Variants in FAM118B observed in about 807,000 individuals in gnomAD.
FAM118B encodes the protein SIR2 antiphage like 1.
A neutral mutation model predicts 38.5 loss-of-function variants in FAM118B; 24 were observed. The ratio of observed to expected loss-of-function variants is 0.62; its 90% confidence interval spans 0.45 to 0.88. The LOEUF (loss-of-function observed/expected upper bound fraction) is 0.88. FAM118B is among the 40% of genes least tolerant of loss of function. The probability of loss-of-function intolerance (pLI) is 0.00; values close to 1 mark genes in which losing one functional copy is unlikely to be tolerated. For synonymous variants in FAM118B, 138 were observed against 156.3 expected (o/e 0.88, Z 0.87); for missense variants, 334 against 420.0 (o/e 0.80, Z 1.79).
chr11:126,242,006 C>T, intron 4 of FAM118B, among the ~76,000 whole-genome samples: 1 of 111,220 alleles, frequency 9.0e-6, no homozygotes, highest in Non-Finnish European at 1.7e-5. Flanking sequence ...GCCTGGGCGA[C>T]AGAGGAAGAC....
chr11:126,218,302 CAG>C (rs1950008513), intron 1 of FAM118B, among the ~76,000 whole-genome samples: 1 of 152,204 alleles, frequency 6.6e-6, no homozygotes, highest in African/African-American at 2.4e-5. Flanking sequence ...TGTCTTCCCT[CAG>C]ATATCCAGCG....
At chr11:126,234,053 G>A (rs892670576) in intron 2 of FAM118B, among the ~76,000 whole-genome samples, 5 of 152,176 alleles carry the variant, frequency 3.3e-5, no homozygotes, top group Non-Finnish European at 7.3e-5. Flanking sequence ...CTGTACTCTA[G>A]CCTGGACAAC....
intron 4 of FAM118B, among the ~76,000 whole-genome samples, chr11:126,246,793 T>G (rs1175349360): frequency 6.6e-6 from 1 of 152,120 alleles, no homozygotes; most frequent in African/African-American, 2.4e-5. Flanking sequence ...AAGGTCACTG[T>G]TTTAGATGAA....
At chr11:126,212,749 G>A (rs539857890) in intron 1 of FAM118B, among the ~76,000 whole-genome samples, 1 of 152,330 alleles carries the variant, frequency 6.6e-6, no homozygotes, top group African/African-American at 2.4e-5. Flanking sequence ...AAAGGGTTTG[G>A]CAGAAGGGAG....
At chr11:126,211,755 T>A, upstream of FAM118B, 1 of 1,197,688 alleles carries the variant, frequency 8.3e-7, no homozygotes, top group Non-Finnish European at 1.2e-6. Flanking sequence ...GCGAGTCACG[T>A]GGGGACGGTG....
chr11:126,219,774 A>T (rs1039028863), intron 1 of FAM118B, among the ~76,000 whole-genome samples: 1 of 148,654 alleles, frequency 6.7e-6, no homozygotes, highest in African/African-American at 2.5e-5. Context: ...GCACCTCCCT[A>T]CCCCCAGCCA....
intron 4 of FAM118B, among the ~76,000 whole-genome samples, chr11:126,241,442 T>C (rs1950356137): frequency 6.6e-6 from 1 of 152,248 alleles, no homozygotes; most frequent in Non-Finnish European, 1.5e-5. Context: ...TTTTTAGTGT[T>C]CTTTTTAGAG....
In FAM118B at chr11:126,262,344, A is replaced by G; in HGVS notation, c.*211A>G. On this transcript the variant is annotated 3_prime_UTR_variant, in exon 9 of 9. Coordinates refer to ENST00000533050, the MANE Select transcript of FAM118B (RefSeq NM_024556.4). ...ATTCTGCCGCCTGTTCAAGTTCAAG[A>G]ATAAAAGCGACAGCAGGACCCAAAT... The G allele has an allele frequency of 1.7e-6, 1 of 572,136 alleles. No individual in the cohort carries two copies. The highest frequency in any genetic ancestry group is 3.1e-6 in the Non-Finnish European group (1 of 323,956). 35.4% of individuals were successfully genotyped at this position (572,136 alleles called of 1,614,324 possible).
chr11:126,247,655 C>T (rs1183995386), intron 4 of FAM118B, among the ~76,000 whole-genome samples: 1 of 151,906 alleles, frequency 6.6e-6, no homozygotes, highest in Non-Finnish European at 1.5e-5. Flanking sequence ...GTCAGAAGTT[C>T]AAGACCAGCC....
chr11:126,217,149 A>T (rs1949990074), intron 1 of FAM118B, among the ~76,000 whole-genome samples: 1 of 152,378 alleles, frequency 6.6e-6, no homozygotes, highest in South Asian at 2.1e-4. Flanking sequence ...GGGTAGCCTC[A>T]GCCAGGAATC....
chr11:126,246,298 A>G (rs939060076), intron 4 of FAM118B, among the ~76,000 whole-genome samples: 3 of 152,330 alleles, frequency 2.0e-5, no homozygotes, highest in East Asian at 3.9e-4. Flanking sequence ...ACTCAGCAGT[A>G]CTATGGCAGG....
At chr11:126,239,143 C>A (rs1950321167) in intron 3 of FAM118B, among the ~76,000 whole-genome samples, 1 of 151,742 alleles carries the variant, frequency 6.6e-6, no homozygotes, top group South Asian at 2.1e-4. Context: ...CTTTTTCGTT[C>A]TTTCTTTGTT....
At chr11:126,257,415 T>A (rs1950594318) in intron 7 of FAM118B, among the ~76,000 whole-genome samples, 1 of 152,092 alleles carries the variant, frequency 6.6e-6, no homozygotes, top group Non-Finnish European at 1.5e-5. Context: ...TGGCAAAAAA[T>A]TGGAAGGATC....
In FAM118B at chr11:126,252,577, T is replaced by A. The variant is rs995485634; in HGVS notation, c.568-1728T>A. Among the ~76,000 whole-genome samples, 2 of 152,062 alleles carry A rather than the reference T, an allele frequency of 1.3e-5. No homozygotes were observed. Among genetic ancestry groups the A allele is most frequent in the African/African-American group, 4.8e-5 (2 of 41,400 alleles). ...GGGCATCATAGCAAGACCCCATCTC[T>A]ACAAAAAGTTTAAAAATTAGCCGGG... On this transcript the variant is annotated intron_variant, in intron 5 of 8. Coordinates refer to ENST00000533050, the MANE Select transcript of FAM118B (RefSeq NM_024556.4). The surrounding 1 kb of genome is among the most constrained non-coding windows in gnomAD (Gnocchi z 4.7).
Position 126,254,231 on chromosome 11 carries a change from C to T in FAM118B, c.568-74C>T, listed in dbSNP as rs1950543640. On this transcript the variant is annotated intron_variant, in intron 5 of 8. Transcript: ENST00000533050. ...GTCAGAAGTCTAGTCCTCAAAACAG[C>T]CTCTTGCCCATTGTGACCTTTAAAC... 1.6e-5 allele frequency: 24 copies of T among 1,533,642 alleles called. No individual in the cohort carries two copies. In the South Asian group the frequency reaches 3.0e-4, roughly 19 times the overall value.
At position 126,244,313 on chromosome 11, in the gene FAM118B, G is replaced by A. The variant is rs1422660191; in HGVS notation, c.339+3269G>A. Among the ~76,000 whole-genome samples the A allele has an allele frequency of 1.3e-5, 2 of 152,194 alleles. No individual in the cohort carries two copies. The highest frequency in any genetic ancestry group is 1.3e-4 in the Admixed American group (2 of 15,272). On this transcript the variant is annotated intron_variant, in intron 4 of 8. Transcript: ENST00000533050. This position sits in a 1 kb window ranked among gnomAD's most constrained non-coding sequence, Gnocchi z 4.5. The stretch of plus-strand genomic sequence containing the variant: ...AAGTAAACTGCCTCTGTTTGCAGAT[G>A]TGATGATCTAGTCTATAGAAGATCC...
intron 3 of FAM118B, among the ~76,000 whole-genome samples, chr11:126,238,403 G>A (rs925031816): frequency 6.6e-6 from 1 of 152,112 alleles, no homozygotes; most frequent in Non-Finnish European, 1.5e-5. Flanking sequence ...TAGAGTTAAG[G>A]AATTCCCACC....
intron 4 of FAM118B, among the ~76,000 whole-genome samples, chr11:126,248,760 G>T (rs1950456197): frequency 6.6e-6 from 1 of 152,198 alleles, no homozygotes; most frequent in Non-Finnish European, 1.5e-5. Flanking sequence ...CGGCCCTCGT[G>T]ACTTAATCAC....
At chr11:126,231,400 G>A (rs1427721228) in intron 2 of FAM118B, among the ~76,000 whole-genome samples, 1 of 148,948 alleles carries the variant, frequency 6.7e-6, no homozygotes, top group East Asian at 1.9e-4. Context: ...TAGGGTACAT[G>A]CTAAAATTGA....
Sources: allele counts gnomAD v4.1 joint callset (sites outside exome capture counted in the v4.1 genomes callset), GRCh38; gene constraint gnomAD v4.1.1; non-coding constraint Gnocchi (gnomAD v3.1); transcripts MANE v1.5; gene names NCBI Gene and HGNC (gene_info 2026-07-23, HGNC 2026-07-21).